The following WDR88 variants were observed in gnomAD, a reference collection of about 807,000 sequenced individuals.
WDR88 encodes the protein WD repeat-containing protein 88.
In WDR88, 40 loss-of-function variants were observed where a neutral mutation model predicts 46.8. That is an observed-to-expected ratio of 0.86 (90% CI 0.66 to 1.11). WDR88 has a LOEUF of 1.11. Among genes scored for constraint, WDR88 ranks in the 50% most tolerant of loss-of-function variants. The pLI is 0.00. For synonymous variants in WDR88, 235 were observed against 240.7 expected (o/e 0.98, Z 0.22); for missense variants, 562 against 602.4 (o/e 0.93, Z 0.70).
chr19:33,160,946 C>A (rs921238154), intron 8 of WDR88, among the ~76,000 whole-genome samples: 1 of 151,808 alleles, frequency 6.6e-6, no homozygotes, highest in African/African-American at 2.4e-5. Flanking sequence ...CTGAGGTGGG[C>A]GGATCACCTG....
chr19:33,159,335 AAAATAAATAAATAAATAAATAAATAAAT>A (rs71176202), intron 7 of WDR88, among the ~76,000 whole-genome samples: 17 of 142,770 alleles, frequency 1.2e-4, no homozygotes, highest in African/African-American at 3.1e-4. Context: ...CTTATCTCTA[AAAATAAATAAATAAATAAATAAATAAAT>A]AAATAAATAA....
chr19:33,171,945 G>T (rs1974045780), intron 9 of WDR88, among the ~76,000 whole-genome samples: 1 of 152,068 alleles, frequency 6.6e-6, no homozygotes, highest in African/African-American at 2.4e-5. Flanking sequence ...AGCTATTTTT[G>T]TATTTTTAGT....
chr19:33,141,917 G>A (rs1973403810), intron 2 of WDR88, among the ~76,000 whole-genome samples: 1 of 152,184 alleles, frequency 6.6e-6, no homozygotes, highest in South Asian at 2.1e-4. Context: ...CTGACCTCAG[G>A]TGATCTGTCC....
chr19:33,162,492 C>T (rs62125329), intron 8 of WDR88, among the ~76,000 whole-genome samples: 16,953 of 151,874 alleles, frequency 0.11, 1,092 homozygotes, highest in South Asian at 0.33. Flanking sequence ...GCATTACAGG[C>T]ATGGAGCACC....
chr19:33,145,398 C>T (rs1216354296), intron 3 of WDR88, among the ~76,000 whole-genome samples: 1 of 152,058 alleles, frequency 6.6e-6, no homozygotes, highest in Non-Finnish European at 1.5e-5. Flanking sequence ...AACAATCCTG[C>T]CTTGGCATCC....
At chr19:33,145,357 T>C (rs1973490005) in intron 3 of WDR88, among the ~76,000 whole-genome samples, 1 of 151,800 alleles carries the variant, frequency 6.6e-6, no homozygotes, top group South Asian at 2.1e-4. Flanking sequence ...TTTGCCATGT[T>C]GCCCAGGCTG....
chr19:33,132,921 A>G (rs1216229022), intron 1 of WDR88, among the ~76,000 whole-genome samples: 1 of 152,160 alleles, frequency 6.6e-6, no homozygotes, highest in African/African-American at 2.4e-5. Flanking sequence ...GCCCTTTGGG[A>G]GGCCCAGGTG....
chr19:33,156,898 C>A (rs562944499), intron 7 of WDR88, among the ~76,000 whole-genome samples: 2 of 152,116 alleles, frequency 1.3e-5, no homozygotes, highest in Admixed American at 6.6e-5. Flanking sequence ...GCCTTTACCC[C>A]CAAGGAGGCA....
At chr19:33,142,982 G>T (rs1973431854) in intron 2 of WDR88, among the ~76,000 whole-genome samples, 1 of 151,488 alleles carries the variant, frequency 6.6e-6, no homozygotes, top group African/African-American at 2.4e-5. Context: ...AAGGGGAGAG[G>T]CTCCCTTGCC....
Position 33,132,430 on chromosome 19 carries a change from G to A in WDR88, c.261G>A (p.Gln87=). The part of the protein sequence containing the change: ...QVPEKLIWGD[Q]DPLSKIPFKI... Reference sequence around the variant, plus strand: ...CGGAGAAATTGATCTGGGGCGACCAGGACCCTCTCTCCAAGGTCAGAACCG... The same window carrying A: ...CGGAGAAATTGATCTGGGGCGACCAAGACCCTCTCTCCAAGGTCAGAACCG... Residue 87 remains glutamine, a synonymous_variant, in exon 1 of 11, where the codon CAG becomes CAA. Transcript: ENST00000355868. The A allele has an allele frequency of 6.2e-7, 1 of 1,613,968 alleles. No homozygotes were observed. The highest frequency in any genetic ancestry group is 8.5e-7 in the Non-Finnish European group (1 of 1,179,966).
intron 5 of WDR88, among the ~76,000 whole-genome samples, chr19:33,149,344 A>AAAAC (rs10684435): frequency 0.044 from 6,696 of 151,006 alleles, 499 homozygotes; most frequent in African/African-American, 0.15. Flanking sequence ...AAACAAACAA[A>AAAAC]AAACAAACAA....
At chr19:33,168,609 AAAG>A (rs1191547639) in intron 9 of WDR88, among the ~76,000 whole-genome samples, 26 of 152,352 alleles carry the variant, frequency 1.7e-4, no homozygotes, top group African/African-American at 6.3e-4. Flanking sequence ...GAAAGAAATT[AAAG>A]AAGACTTGAA....
intron 10 of WDR88, chr19:33,174,220 A>C: frequency 2.0e-6 from 3 of 1,536,538 alleles, no homozygotes; most frequent in Non-Finnish European, 2.6e-6. Flanking sequence ...AGCAAGGATG[A>C]GCCTGCTGCA....
Position 33,156,666 on chromosome 19 carries a change from C to T in WDR88, c.997+124C>T. 2.6e-6 allele frequency: 3 copies of T among 1,149,654 alleles called. No homozygotes were observed. In the East Asian group the frequency reaches 7.6e-5, roughly 29 times the overall value. The allele number at this position is 1,149,654 out of a possible 1,614,324, so 71.2% of individuals were successfully genotyped here. A position where few individuals can be genotyped will look rare whatever the true frequency, so the allele number is the denominator to read the frequency against. ...TGCTGACAGGGAGGGCGGATTCTTC[C>T]CCACGAGAACAAAAAACCCAAGAGG... On this transcript the variant is annotated intron_variant, in intron 7 of 10. Coordinates refer to ENST00000355868, the MANE Select transcript of WDR88 (RefSeq NM_173479.4).
chr19:33,173,542 T>C (rs1328032166), intron 10 of WDR88, among the ~76,000 whole-genome samples: 2 of 152,274 alleles, frequency 1.3e-5, no homozygotes, highest in Non-Finnish European at 1.5e-5. Context: ...CTGGGAATCC[T>C]GGAGCTGCCT....
At chr19:33,137,556 T>C (rs1159977408) in intron 1 of WDR88, 121 bp from the exon 2 acceptor site, 23 of 914,582 alleles carry the variant, frequency 2.5e-5, no homozygotes, top group Non-Finnish European at 3.7e-5. Context: ...CTGGCCAGAA[T>C]TTTTTAAATT....
intron 3 of WDR88, among the ~76,000 whole-genome samples, chr19:33,146,716 C>T (rs185448028): frequency 5.8e-4 from 89 of 152,188 alleles, no homozygotes; most frequent in African/African-American, 2.1e-3. Flanking sequence ...TGAGGTTTCA[C>T]CATGTTGGCC....
rs182192706 is a variant in WDR88 at position 33,155,859 on chromosome 19, G to C, written c.810-496G>C. On this transcript the variant is annotated intron_variant, in intron 6 of 10. Coordinates refer to ENST00000355868, the MANE Select transcript of WDR88 (RefSeq NM_173479.4). ...CCTGGCATCTAGCCAGGAGAGGCCA[G>C]GGATGCTGCTCCACCTCCTACAGAA... is the stretch of plus-strand genomic sequence containing the variant. Among the ~76,000 whole-genome samples, 352 of 152,314 alleles carry C rather than the reference G, an allele frequency of 2.3e-3. 2 individuals carry two copies. Among genetic ancestry groups the C allele is most frequent in the Non-Finnish European group, 3.4e-3 (233 of 68,020 alleles).
intron 8 of WDR88, among the ~76,000 whole-genome samples, chr19:33,163,641 CTTT>C (rs557195235): frequency 2.9e-5 from 4 of 139,988 alleles, no homozygotes; most frequent in Non-Finnish European, 4.7e-5. Flanking sequence ...CTGCTCTTTC[CTTT>C]TTTTTTTTTT....
Sources: allele counts gnomAD v4.1 joint callset (sites outside exome capture counted in the v4.1 genomes callset), GRCh38; gene constraint gnomAD v4.1.1; transcripts MANE v1.5; gene names NCBI Gene and HGNC (gene_info 2026-07-23, HGNC 2026-07-21).